TANC1: variants seen among roughly 807,000 people sequenced by gnomAD.
The protein encoded by TANC1 is tetratricopeptide repeat, ankyrin repeat and coiled-coil containing 1, also known as protein TANC1.
In TANC1, 77 loss-of-function variants were observed where a neutral mutation model predicts 149.7. That is an observed-to-expected ratio of 0.51 (90% CI 0.43 to 0.62). The LOEUF is 0.62. Among genes scored for constraint, TANC1 ranks in the 20% least tolerant of loss-of-function variants. The pLI is 0.00. For synonymous variants in TANC1, 854 were observed against 925.0 expected, an observed-to-expected ratio of 0.92 and a Z score of 1.39; for missense variants, 1,985 against 2,321.8, an observed-to-expected ratio of 0.85 and a Z score of 2.98.
intron 25 of TANC1, 194 bp downstream of exon 25, chr2:159,228,159 A>G (rs916237450): frequency 4.9e-6 from 3 of 609,432 alleles, no homozygotes; most frequent in South Asian, 2.2e-5. Context: ...CGCTCCTCGC[A>G]TGATGTTGAA....
chr2:159,094,847 C>T (rs2045934376), intron 3 of TANC1, among the ~76,000 whole-genome samples: 1 of 152,158 alleles, frequency 6.6e-6, no homozygotes, highest in Non-Finnish European at 1.5e-5. Context: ...CCTCTAACTC[C>T]TGTCTGCTTC....
intron 8 of TANC1, 146 bp from the exon 9 acceptor site, chr2:159,169,104 C>A: frequency 1.9e-6 from 1 of 536,160 alleles, no homozygotes; most frequent in Non-Finnish European, 3.1e-6. Flanking sequence ...GAAAAATAAA[C>A]TGGGGCAAAC....
intron 3 of TANC1, among the ~76,000 whole-genome samples, chr2:159,096,569 T>C (rs1049366010): frequency 5.3e-5 from 8 of 152,220 alleles, no homozygotes; most frequent in Non-Finnish European, 8.8e-5. Flanking sequence ...GCAGGAGTTC[T>C]TATTCCTGAC....
In TANC1 at chr2:159,103,649, G is replaced by A. The variant is rs1338838913; in HGVS notation, c.259+5815G>A. Among the ~76,000 whole-genome samples the A allele has an allele frequency of 1.6e-4, 15 of 96,618 alleles. 4 individuals are homozygous for A. The highest frequency in any genetic ancestry group is 4.3e-4 in the African/African-American group (15 of 34,770). The allele number at this position is 96,618 out of a possible 152,430, so 63.4% of individuals were successfully genotyped here. On this transcript the variant is annotated intron_variant, in intron 4 of 26. Coordinates refer to ENST00000263635, the MANE Select transcript of TANC1 (RefSeq NM_033394.3). ...GCTCCCAGTTTCAGCCGCCTGGTGC[G>A]GATCCTAGAGATCATGGAGGTTCAC...
chr2:159,198,630 C>T (rs2058034233), intron 18 of TANC1, among the ~76,000 whole-genome samples: 1 of 152,262 alleles, frequency 6.6e-6, no homozygotes, highest in African/African-American at 2.4e-5. Context: ...AACTGATTCA[C>T]TATCTTGTGA....
At chr2:159,185,681 T>TG in intron 14 of TANC1, 110 bp from the exon 15 acceptor site, 1 of 708,548 alleles carries the variant, frequency 1.4e-6, no homozygotes, top group South Asian at 1.8e-5. Flanking sequence ...TTTACATCTT[T>TG]GTCACGGGCA....
chr2:159,218,672 A>G (rs885640), intron 20 of TANC1, among the ~76,000 whole-genome samples: 46,530 of 152,062 alleles, frequency 0.31, 8,209 homozygotes, highest in Admixed American at 0.49. Context: ...ATGACTATGC[A>G]TGGTTGAAAG....
rs908813539 is a variant in TANC1, at chr2:159,149,155, T to C, written c.378T>C (p.Asp126=). The change falls in exon 6 of 27, where the codon GAT becomes GAC. Residue 126 remains aspartate, a synonymous_variant. Coordinates refer to ENST00000263635, the MANE Select transcript of TANC1 (RefSeq NM_033394.3). ...TCTTTGTTCCAGAAGCAAAGGCCGATAATGAACCGAGCTGTTCGCCGGCAG... is the reference window on the plus strand; with the variant it reads ...TCTTTGTTCCAGAAGCAAAGGCCGACAATGAACCGAGCTGTTCGCCGGCAG... ...TEPDEHEAKA[D]NEPSCSPAAQ... 1 of 1,600,140 alleles carries C rather than the reference T, an allele frequency of 6.2e-7. No homozygotes were observed. The highest frequency in any genetic ancestry group is 8.5e-7 in the Non-Finnish European group (1 of 1,173,034).
rs138576314 is a variant in TANC1 at position 159,070,061 on chromosome 2, C to T, written c.61+4090C>T. On this transcript the variant is annotated intron_variant, in intron 3 of 26. Coordinates refer to ENST00000263635, the MANE Select transcript of TANC1 (RefSeq NM_033394.3). ...CCTCCCAAAGTGCTGGGATTACAAG[C>T]GTGAACCACTGTGACTGGCTATGCA... 2.9e-3 allele frequency among the ~76,000 whole-genome samples: 441 copies of T among 152,074 alleles called. 5 individuals are homozygous for T. The highest frequency in any genetic ancestry group is 1.0e-2 in the African/African-American group (414 of 41,448).
intron 4 of TANC1, among the ~76,000 whole-genome samples, chr2:159,127,614 T>C (rs1574844588): frequency 6.6e-6 from 1 of 152,220 alleles, no homozygotes; most frequent in East Asian, 1.9e-4. Context: ...TAGAATACTA[T>C]GCAGCCACAA....
At chr2:159,212,807 C>G (rs2059077777) in intron 19 of TANC1, among the ~76,000 whole-genome samples, 1 of 151,804 alleles carries the variant, frequency 6.6e-6, no homozygotes, top group Admixed American at 6.6e-5. Flanking sequence ...GTAATCCTAG[C>G]TACCCAGGAG....
At chr2:159,117,216 G>A (rs778905052) in intron 4 of TANC1, among the ~76,000 whole-genome samples, 27 of 152,234 alleles carry the variant, frequency 1.8e-4, no homozygotes, top group Middle Eastern at 6.8e-3. Context: ...TAAAGCTTGG[G>A]TGAACTTCTA....
At chr2:159,082,215 C>T (rs2044344804) in intron 3 of TANC1, among the ~76,000 whole-genome samples, 1 of 152,184 alleles carries the variant, frequency 6.6e-6, no homozygotes, top group Admixed American at 6.5e-5. Flanking sequence ...GGTGTCTGAA[C>T]AGAAGGGCAT....
chr2:159,033,141 T>C (rs966161118), intron 2 of TANC1, among the ~76,000 whole-genome samples: 1 of 151,990 alleles, frequency 6.6e-6, no homozygotes, highest in African/African-American at 2.4e-5. Context: ...TAGTCTGTGG[T>C]TGGGAGAGAG....
chr2:159,022,857 T>C (rs2038937840), intron 2 of TANC1, among the ~76,000 whole-genome samples: 3 of 152,126 alleles, frequency 2.0e-5, no homozygotes, highest in South Asian at 4.1e-4. Context: ...CTTCCTAAGA[T>C]CTCTTGGCAG....
chr2:159,144,937 T>C (rs1312630922), intron 5 of TANC1, among the ~76,000 whole-genome samples: 3 of 152,162 alleles, frequency 2.0e-5, no homozygotes, highest in African/African-American at 7.2e-5. Flanking sequence ...TTAAGTCAAC[T>C]TCGAGGTCAC....
chr2:159,129,854 C>G (rs2049893521), intron 4 of TANC1, among the ~76,000 whole-genome samples: 1 of 152,196 alleles, frequency 6.6e-6, no homozygotes, highest in South Asian at 2.1e-4. Flanking sequence ...GTGCTCCACT[C>G]ACAGCCACTG....
At chr2:159,011,869 T>C (rs887992954) in intron 2 of TANC1, among the ~76,000 whole-genome samples, 4 of 152,182 alleles carry the variant, frequency 2.6e-5, no homozygotes, top group African/African-American at 7.2e-5. Flanking sequence ...AGGCTTCCCA[T>C]GTGGGGCCAG....
intron 2 of TANC1, among the ~76,000 whole-genome samples, chr2:159,038,509 A>G (rs1374954030): frequency 6.6e-6 from 1 of 152,168 alleles, no homozygotes; most frequent in African/African-American, 2.4e-5. Flanking sequence ...AGCTCTTATT[A>G]TTTTGAGATA....
Sources: gnomAD v4.1 joint callset for allele counts (sites outside exome capture counted in the v4.1 genomes callset) on GRCh38, gnomAD v4.1.1 for gene constraint, MANE v1.5 for transcripts, NCBI Gene and HGNC (gene_info 2026-07-23, HGNC 2026-07-21) for gene names.